The following TTC29 variants were observed in gnomAD, a reference collection of about 807,000 sequenced individuals.
The protein encoded by TTC29 is tetratricopeptide repeat protein 29.
Under a neutral mutation model 58.1 loss-of-function variants are expected in TTC29, and 49 were observed. The observed-to-expected ratio is 0.84, with a 90% confidence interval of 0.67 to 1.07. The LOEUF (loss-of-function observed/expected upper bound fraction) is 1.07, where lower values mean the gene tolerates loss of function less well. Ranked by LOEUF, TTC29 falls within the 50% of genes least tolerant of loss-of-function variation. The pLI, the probability that TTC29 is intolerant of heterozygous loss-of-function variation, is 0.00. For missense variants in TTC29, 582 were observed against 555.6 expected (o/e 1.05, Z -0.48); for synonymous variants, 209 against 196.8 (o/e 1.06, Z -0.52).
chr4:146,852,563 G>T (rs1729580133), intron 8 of TTC29, among the ~76,000 whole-genome samples: 1 of 152,298 alleles, frequency 6.6e-6, no homozygotes, highest in East Asian at 1.9e-4. Context: ...GCATGCATTT[G>T]GCTGCCCTCC....
At chr4:146,773,440 T>A (rs937681380) in intron 11 of TTC29, among the ~76,000 whole-genome samples, 4 of 152,172 alleles carry the variant, frequency 2.6e-5, no homozygotes, top group African/African-American at 9.7e-5. Flanking sequence ...ATATTCAGTT[T>A]TATTGAAAAC....
At chr4:146,707,248 TG>T in intron 12 of TTC29, 60 bp from the exon 13 acceptor site, 1 of 1,181,474 alleles carries the variant, frequency 8.5e-7, no homozygotes, top group Non-Finnish European at 1.2e-6. Flanking sequence ...AAAGAACATT[TG>T]TTTTGAAAAA....
intron 6 of TTC29, 54 bp downstream of exon 6, chr4:146,903,490 G>A: frequency 6.8e-7 from 1 of 1,460,022 alleles, no homozygotes; most frequent in Non-Finnish European, 9.2e-7. Context: ...TCCATTGTGT[G>A]ATCTCAGGAT....
intron 9 of TTC29, among the ~76,000 whole-genome samples, chr4:146,828,066 T>A (rs1029853531): frequency 1.3e-5 from 2 of 151,806 alleles, no homozygotes; most frequent in Non-Finnish European, 2.9e-5. Flanking sequence ...GATGAAATTT[T>A]ATGTTACTGC....
Position 146,909,077 on chromosome 4 carries a change from GT to G in TTC29, c.348del (p.Lys116AsnfsTer9). The G allele has an allele frequency of 6.2e-7, 1 of 1,613,902 alleles. No individual in the cohort carries two copies. Among genetic ancestry groups the G allele is most frequent in the Non-Finnish European group, 8.5e-7 (1 of 1,179,842 alleles). Reference sequence around the variant, plus strand: ...GTCAGGTAATGGTACAGGTAATCCAGTTTATCAGGCTGCTCCTCCAGGGGCT... The same window carrying G: ...GTCAGGTAATGGTACAGGTAATCCAGTTATCAGGCTGCTCCTCCAGGGGCT... ...LQKPLEEQPD[K>X]LDYLYHYLTR... On this transcript the variant is annotated frameshift_variant, in exon 5 of 13. Coordinates refer to ENST00000325106, the MANE Select transcript of TTC29 (RefSeq NM_031956.4). LOFTEE classifies it high-confidence loss of function.
chr4:146,915,345 T>C (rs778717240), intron 4 of TTC29, among the ~76,000 whole-genome samples: 18 of 152,118 alleles, frequency 1.2e-4, no homozygotes, highest in Non-Finnish European at 2.6e-4. Context: ...TTTCAATTGG[T>C]AAGCCATTCT....
At chr4:146,809,584 C>T (rs1356622572) in intron 10 of TTC29, among the ~76,000 whole-genome samples, 2 of 149,498 alleles carry the variant, frequency 1.3e-5, no homozygotes, top group African/African-American at 4.9e-5. Context: ...CAAACAACTC[C>T]ATCAAAAAGT....
chr4:146,859,187 T>C (rs1346321472), intron 8 of TTC29, among the ~76,000 whole-genome samples: 1 of 151,992 alleles, frequency 6.6e-6, no homozygotes, highest in African/African-American at 2.4e-5. Flanking sequence ...AAACTACAGA[T>C]AGAATAAATG....
At chr4:146,838,613 G>T (rs935103437) in intron 8 of TTC29, among the ~76,000 whole-genome samples, 1 of 151,874 alleles carries the variant, frequency 6.6e-6, no homozygotes, top group African/African-American at 2.4e-5. Context: ...AGTTAGGAGG[G>T]TACCTTGGAC....
intron 11 of TTC29, among the ~76,000 whole-genome samples, chr4:146,735,797 C>T (rs1255903270): frequency 1.3e-5 from 2 of 152,150 alleles, no homozygotes; most frequent in Admixed American, 6.6e-5. Context: ...AACAACAGTT[C>T]GAGAAGCCTT....
At chr4:146,720,609 A>G (rs1359371864) in intron 11 of TTC29, among the ~76,000 whole-genome samples, 1 of 152,174 alleles carries the variant, frequency 6.6e-6, no homozygotes, top group Non-Finnish European at 1.5e-5. Flanking sequence ...AAGTGAGGAC[A>G]ATGAGAAATA....
intron 5 of TTC29, among the ~76,000 whole-genome samples, chr4:146,907,484 GTTGTT>G (rs1306087227): frequency 3.3e-5 from 5 of 152,086 alleles, no homozygotes; most frequent in East Asian, 1.9e-4. Context: ...TAGAATGTAG[GTTGTT>G]TTGTTTTGTT....
intron 7 of TTC29, among the ~76,000 whole-genome samples, chr4:146,869,817 T>A (rs1416453859): frequency 6.6e-6 from 1 of 152,092 alleles, no homozygotes; most frequent in Non-Finnish European, 1.5e-5. Flanking sequence ...GAACTTTTCT[T>A]GTACATGAAT....
intron 7 of TTC29, among the ~76,000 whole-genome samples, chr4:146,874,037 AT>A (rs769029197): frequency 6.6e-6 from 1 of 152,124 alleles, no homozygotes; most frequent in Non-Finnish European, 1.5e-5. Context: ...TATGCTCCAA[AT>A]TTTTTCTTTA....
At chr4:146,835,016 T>C (rs780559208) in intron 8 of TTC29, among the ~76,000 whole-genome samples, 14 of 152,170 alleles carry the variant, frequency 9.2e-5, no homozygotes, top group Non-Finnish European at 1.6e-4. Flanking sequence ...TTGGGGTATT[T>C]TGTACTTTAA....
chr4:146,751,286 T>TA (rs1745971921), intron 11 of TTC29, among the ~76,000 whole-genome samples: 2 of 152,194 alleles, frequency 1.3e-5, no homozygotes, highest in African/African-American at 2.4e-5. Flanking sequence ...AATACCCCAC[T>TA]TTAAATGGAT....
At chr4:146,928,243 T>C (rs77878202) in intron 4 of TTC29, among the ~76,000 whole-genome samples, 9,037 of 152,218 alleles carry the variant, frequency 0.059, 377 homozygotes, top group Admixed American at 0.13. Flanking sequence ...AGACCCAGAC[T>C]GCCTAGATTC....
intron 10 of TTC29, among the ~76,000 whole-genome samples, chr4:146,807,978 C>CA (rs1323119513): frequency 6.6e-6 from 1 of 152,064 alleles, no homozygotes. Context: ...AACATTGATG[C>CA]AAAAATCCTC....
At chr4:146,710,011 C>G (rs1004475709) in intron 11 of TTC29, among the ~76,000 whole-genome samples, 1 of 152,114 alleles carries the variant, frequency 6.6e-6, no homozygotes. Flanking sequence ...TGCTCTTCCT[C>G]TCTATTAGAT....
Sources: allele counts gnomAD v4.1 joint callset (sites outside exome capture counted in the v4.1 genomes callset), GRCh38; gene constraint gnomAD v4.1.1; transcripts MANE v1.5; gene names NCBI Gene and HGNC (gene_info 2026-07-23, HGNC 2026-07-21).